The following PRIM2 variants were observed in gnomAD, a reference collection of about 807,000 sequenced individuals.
The protein encoded by PRIM2 is DNA primase large subunit.
A neutral mutation model predicts 67.3 loss-of-function variants in PRIM2; 39 were observed. That is an observed-to-expected ratio of 0.58 (90% CI 0.45 to 0.76). The LOEUF (loss-of-function observed/expected upper bound fraction) is 0.76. Ranked by LOEUF, PRIM2 falls within the 30% of genes least tolerant of loss-of-function variation. The probability of loss-of-function intolerance (pLI) is 0.00; values close to 1 mark genes in which losing one functional copy is unlikely to be tolerated. For synonymous variants in PRIM2, 143 were observed against 198.7 expected, an observed-to-expected ratio of 0.72 and a Z score of 2.36; for missense variants, 398 against 598.7, an observed-to-expected ratio of 0.66 and a Z score of 3.50.
chr6:57,256,296 C>A, the PRIM2 span, among the ~76,000 whole-genome samples: 1 of 152,098 alleles, frequency 6.6e-6, no homozygotes, highest in Non-Finnish European at 1.5e-5. Flanking sequence ...GCATATGCCA[C>A]CTTATTTACC....
chr6:57,319,036 TG>T (rs531334984), intron 2 of PRIM2, among the ~76,000 whole-genome samples: 53 of 152,238 alleles, frequency 3.5e-4, no homozygotes, highest in South Asian at 8.3e-4. Flanking sequence ...AAATGTGATC[TG>T]GACATACTGA....
chr6:57,227,961 T>C, the PRIM2 span, among the ~76,000 whole-genome samples: 1 of 152,230 alleles, frequency 6.6e-6, no homozygotes, highest in East Asian at 1.9e-4. Flanking sequence ...TTAAATATAA[T>C]CTTTTCAACA....
At chr6:57,483,565 A>C (rs1380555884) in intron 7 of PRIM2, among the ~76,000 whole-genome samples, 1 of 152,190 alleles carries the variant, frequency 6.6e-6, no homozygotes, top group Admixed American at 6.5e-5. Context: ...AGTATTTTTC[A>C]GTAATGAGGA....
chr6:57,445,281 A>G (rs1196336143), intron 7 of PRIM2, among the ~76,000 whole-genome samples: 4 of 152,170 alleles, frequency 2.6e-5, no homozygotes, highest in Non-Finnish European at 4.4e-5. Flanking sequence ...CTGAGACCCT[A>G]TCAGGGGACA....
At chr6:57,250,254 A>C in the PRIM2 span, among the ~76,000 whole-genome samples, 1,160 of 152,278 alleles carry the variant, frequency 7.6e-3, 59 homozygotes, top group East Asian at 0.14. Context: ...TCATTTTTCT[A>C]GTGCTTCAGA....
At chr6:57,283,134 GA>G in the PRIM2 span, among the ~76,000 whole-genome samples, 3 of 151,900 alleles carry the variant, frequency 2.0e-5, no homozygotes, top group African/African-American at 7.3e-5. Flanking sequence ...GTTTTATATA[GA>G]TCTCAGTATC....
chr6:57,420,665 C>T (rs1771433938), intron 7 of PRIM2, among the ~76,000 whole-genome samples: 1 of 152,146 alleles, frequency 6.6e-6, no homozygotes, highest in African/African-American at 2.4e-5. Context: ...AAGACAGAGG[C>T]TTTTTGATAT....
chr6:57,335,802 C>G (rs1170522123), intron 5 of PRIM2, among the ~76,000 whole-genome samples: 1 of 152,182 alleles, frequency 6.6e-6, no homozygotes, highest in East Asian at 1.9e-4. Flanking sequence ...AGCAGAGCGC[C>G]TCTCCTCCTC....
intron 11 of PRIM2, among the ~76,000 whole-genome samples, chr6:57,602,345 C>T (rs1776486125): frequency 6.6e-6 from 1 of 152,202 alleles, no homozygotes; most frequent in Non-Finnish European, 1.5e-5. Flanking sequence ...GCCACCACAC[C>T]CAGCCTGGTA....
chr6:57,359,861 G>A (rs2127310633), intron 5 of PRIM2, among the ~76,000 whole-genome samples: 1 of 152,332 alleles, frequency 6.6e-6, no homozygotes, highest in East Asian at 1.9e-4. Context: ...TCACCTTTCA[G>A]AAATTTGATT....
At position 57,418,383 on chromosome 6, in the gene PRIM2, GTTTTTTTTTTTTT is replaced by G. The variant is rs34491627; in HGVS notation, c.693+36237_693+36249del. On this transcript the variant is annotated intron_variant, in intron 7 of 13. Coordinates refer to ENST00000615550, the MANE Select transcript of PRIM2 (RefSeq NM_000947.5). ...TAAGGTAATGTTTCCTATGTGTGTGGTTTTTTTTTTTTTTTTTTTTTTTTTTTTTTTTTTAACA... is the reference window on the plus strand; with the variant it reads ...TAAGGTAATGTTTCCTATGTGTGTGGTTTTTTTTTTTTTTTTTTTTTAACA... Among the ~76,000 whole-genome samples, 120 of 47,246 alleles carry G rather than the reference GTTTTTTTTTTTTT, an allele frequency of 2.5e-3. 2 individuals are homozygous for G. Among genetic ancestry groups the G allele is most frequent in the Admixed American group, 0.011 (30 of 2,786 alleles). 31.0% of individuals were successfully genotyped at this position (47,246 alleles called of 152,430 possible).
intron 8 of PRIM2, among the ~76,000 whole-genome samples, chr6:57,512,323 T>C (rs1774388341): frequency 6.6e-6 from 1 of 152,164 alleles, no homozygotes; most frequent in Non-Finnish European, 1.5e-5. Flanking sequence ...TTAAGATTGG[T>C]AAGATGAGCA....
chr6:57,371,749 C>T (rs1164864168), intron 5 of PRIM2, among the ~76,000 whole-genome samples: 1 of 152,212 alleles, frequency 6.6e-6, no homozygotes, highest in East Asian at 1.9e-4. Flanking sequence ...AAGATTTCTT[C>T]TCCTTTCACC....
intron 7 of PRIM2, among the ~76,000 whole-genome samples, chr6:57,471,121 C>T (rs1290720855): frequency 2.6e-5 from 4 of 152,000 alleles, no homozygotes; most frequent in Admixed American, 6.6e-5. Context: ...TCTAATTTTC[C>T]GAGTCCCTTG....
At chr6:57,335,667 A>G (rs138812302) in intron 5 of PRIM2, among the ~76,000 whole-genome samples, 1,985 of 152,320 alleles carry the variant, frequency 0.013, 38 homozygotes, top group African/African-American at 0.045. Context: ...TGTTAGAAGG[A>G]AAACTAACAA....
upstream of PRIM2, among the ~76,000 whole-genome samples, chr6:57,316,535 C>T (rs1767488696): frequency 6.6e-6 from 1 of 152,214 alleles, no homozygotes; most frequent in African/African-American, 2.4e-5. Flanking sequence ...CAGTTTAGTC[C>T]AGGCTGGGTA....
chr6:57,443,266 A>G (rs1581909506), intron 7 of PRIM2, among the ~76,000 whole-genome samples: 1 of 152,350 alleles, frequency 6.6e-6, no homozygotes, highest in East Asian at 1.9e-4. Flanking sequence ...GTAAGTACCC[A>G]GAAGTAGGAT....
At chr6:57,514,053 A>AT (rs1228608118) in intron 8 of PRIM2, among the ~76,000 whole-genome samples, 9 of 152,166 alleles carry the variant, frequency 5.9e-5, no homozygotes, top group Admixed American at 3.9e-4. Context: ...GTGCATACTG[A>AT]TTTTGCAAGC....
At chr6:57,592,610 C>A (rs1174701108) in intron 10 of PRIM2, among the ~76,000 whole-genome samples, 1 of 152,054 alleles carries the variant, frequency 6.6e-6, no homozygotes, top group Non-Finnish European at 1.5e-5. Flanking sequence ...GCCTGGCCAA[C>A]ATGCAACATG....
Sources: gnomAD v4.1 joint callset for allele counts (sites outside exome capture counted in the v4.1 genomes callset) on GRCh38, gnomAD v4.1.1 for gene constraint, MANE v1.5 for transcripts, NCBI Gene and HGNC (gene_info 2026-07-23, HGNC 2026-07-21) for gene names.